The following TMC8 variants were observed in gnomAD, a reference collection of about 807,000 sequenced individuals.
TMC8 encodes transmembrane channel-like protein 8.
TMC8 carries 71 observed loss-of-function variants against 76.0 expected under a neutral mutation model. The ratio of observed to expected loss-of-function variants is 0.93; its 90% CI spans 0.77 to 1.14. TMC8 has a LOEUF of 1.14. TMC8 is among the 50% of genes most tolerant of loss of function. TMC8 has a pLI of 0.00. For missense variants in TMC8, 924 were observed against 947.9 expected (o/e 0.97, Z 0.33); for synonymous variants, 433 against 433.8 (o/e 1.00, Z 0.02).
chr17:78,134,979 C>T lies in TMC8; in HGVS notation c.1097C>T (p.Pro366Leu). ...TFLVQLENYPPNTEVNLTLIW... is the reference protein window; with the variant it reads ...TFLVQLENYPLNTEVNLTLIW... Reference sequence around the variant, plus strand: ...CTGGTCCAGCTGGAGAACTACCCTCCCAACACGGAGGTCAACCTCACTCTG... The same window carrying T: ...CTGGTCCAGCTGGAGAACTACCCTCTCAACACGGAGGTCAACCTCACTCTG... Residue 366 changes from proline to leucine, a missense_variant, in exon 9 of 16, where the codon CCC becomes CTC. Pro to Leu is a moderately conservative substitution (Grantham distance 98). Transcript: ENST00000318430. 2 of 1,614,066 alleles carry T rather than the reference C, an allele frequency of 1.2e-6. No individual in the cohort carries two copies. The highest frequency in any genetic ancestry group is 1.7e-6 in the Non-Finnish European group (2 of 1,179,962).
Position 78,138,748 on chromosome 17 carries a change from G to A in TMC8, c.1823+16G>A, listed in dbSNP as rs750584889. 4 of 1,602,570 alleles carry A rather than the reference G, an allele frequency of 2.5e-6. No individual in the cohort carries two copies. Among genetic ancestry groups the A allele is most frequent in the Non-Finnish European group, 3.4e-6 (4 of 1,179,668 alleles). ...TCATGCTCAGGTTCTCAGGGCAGCC[G>A]GGGCCATGGGAGGGGACACCTGGAG... is the stretch of plus-strand genomic sequence containing the variant. On this transcript the variant is annotated intron_variant, in intron 14 of 15. Transcript: ENST00000318430.
At chr17:78,132,331 C>A in intron 3 of TMC8, 28 bp from the exon 4 acceptor site, 1 of 1,611,958 alleles carries the variant, frequency 6.2e-7, no homozygotes, top group Non-Finnish European at 8.5e-7. Context: ...CCCCGGCCTC[C>A]CTGACCCACC....
chr17:78,132,074 C>A (rs1289993620), intron 3 of TMC8, 44 bp downstream of exon 3: 1 of 1,534,538 alleles, frequency 6.5e-7, no homozygotes, highest in Admixed American at 2.0e-5. Flanking sequence ...CTCTCTGGAG[C>A]CCCACTGCCC....
intron 15 of TMC8, 117 bp downstream of exon 15, chr17:78,139,357 G>C (rs1259145540): frequency 8.6e-7 from 1 of 1,166,046 alleles, no homozygotes; most frequent in Non-Finnish European, 1.2e-6. Context: ...CCACTGGAGG[G>C]CGTGGCCTCA....
intron 15 of TMC8, 106 bp downstream of exon 15, chr17:78,139,346 C>T: frequency 7.8e-7 from 1 of 1,279,958 alleles, no homozygotes; most frequent in African/African-American, 1.5e-5. Context: ...GTGGGTTCTT[C>T]CCACTGGAGG....
Position 78,133,952 on chromosome 17 carries a change from G to A in TMC8, c.768G>A (p.Val256=). The A allele has an allele frequency of 6.2e-7, 1 of 1,613,696 alleles. No individual in the cohort carries two copies. Among genetic ancestry groups the A allele is most frequent in the East Asian group, 2.2e-5 (1 of 44,884 alleles). The change falls in exon 7 of 16, where the codon GTG becomes GTA. Residue 256 remains valine, a synonymous_variant. Transcript: ENST00000318430. ...CCTCATGGGACTTCTGCATCCGGGTGCAGGAAGCAGCCACCATCAAGAAGC... is the reference window on the plus strand; with the variant it reads ...CCTCATGGGACTTCTGCATCCGGGTACAGGAAGCAGCCACCATCAAGAAGC... ...VFSSWDFCIR[V]QEAATIKKHE... is the part of the protein sequence containing the mutation.
At chr17:78,135,093 G>A (rs2075188632) in intron 9 of TMC8, 84 bp downstream of exon 9, 1 of 1,578,796 alleles carries the variant, frequency 6.3e-7, no homozygotes, top group Admixed American at 1.7e-5. Flanking sequence ...CCTGGCACCT[G>A]GGGTCCCCAG....
In TMC8 at chr17:78,131,339, C is replaced by G. The variant is rs917506797; in HGVS notation, c.-250C>G. 3 of 595,352 alleles carry G rather than the reference C, an allele frequency of 5.0e-6. No homozygotes were observed. Among genetic ancestry groups the G allele is most frequent in the Non-Finnish European group, 8.9e-6 (3 of 336,328 alleles). The allele number at this position is 595,352 out of a possible 1,614,324, so 36.9% of individuals were successfully genotyped here. On this transcript the variant is annotated 5_prime_UTR_variant, in exon 2 of 16. Transcript: ENST00000318430. Reference sequence around the variant, plus strand: ...CTGAGAGTTGGAGCGGGGCTGGGCCCGAATTCGACCGCAGCAGGATTCTCT... The same window carrying G: ...CTGAGAGTTGGAGCGGGGCTGGGCCGGAATTCGACCGCAGCAGGATTCTCT...
rs2075380318 is a variant in TMC8 at position 78,141,986 on chromosome 17, G to C, written c.*874G>C. ...CGCCTGGGCCTTAGTGGTATGTACG[G>C]GCCTGCATCGTGAGCAGCGGGCGGG... On this transcript the variant is annotated 3_prime_UTR_variant, in exon 16 of 16. Coordinates refer to ENST00000318430, the MANE Select transcript of TMC8 (RefSeq NM_152468.5). 1 of 152,422 alleles carries C rather than the reference G, an allele frequency of 6.6e-6. No homozygotes were observed. Among genetic ancestry groups the C allele is most frequent in the Non-Finnish European group, 1.5e-5 (1 of 68,188 alleles). 9.4% of individuals were successfully genotyped at this position (152,422 alleles called of 1,614,324 possible). A position where few individuals can be genotyped will look rare whatever the true frequency, so the allele number is the denominator to read the frequency against.
rs374622085 is a variant in TMC8 at position 78,138,375 on chromosome 17, A to G, written c.1560A>G (p.Ala520=). 1 of 1,611,560 alleles carries G rather than the reference A, an allele frequency of 6.2e-7. No individual in the cohort carries two copies. Among genetic ancestry groups the G allele is most frequent in the Admixed American group, 1.7e-5 (1 of 60,020 alleles). The part of the protein sequence containing the change: ...KKYTLLKNSR[A]SSRPFRASSS... ...ACACCCTCCTGAAGAACTCCAGGGCATCTTCGCGGCCCTTCCGTGCCTCCA... is the reference window on the plus strand; with the variant it reads ...ACACCCTCCTGAAGAACTCCAGGGCGTCTTCGCGGCCCTTCCGTGCCTCCA... The change falls in exon 13 of 16, where the codon GCA becomes GCG. Residue 520 remains alanine (A), a synonymous_variant. Coordinates refer to ENST00000318430, the MANE Select transcript of TMC8 (RefSeq NM_152468.5).
At chr17:78,140,281 G>C (rs566498535) in intron 15 of TMC8, among the ~76,000 whole-genome samples, 22 of 151,514 alleles carry the variant, frequency 1.5e-4, no homozygotes, top group Non-Finnish European at 2.7e-4. Context: ...CTGTGGTCTT[G>C]CTACTGCAAT....
intron 9 of TMC8, 134 bp downstream of exon 9, chr17:78,135,143 C>A: frequency 8.6e-7 from 1 of 1,159,658 alleles, no homozygotes; most frequent in Non-Finnish European, 1.3e-6. Context: ...CAAGGGAAGG[C>A]AGGTACACAC....
In TMC8 at chr17:78,131,543, C is replaced by A. The variant is rs777641093; in HGVS notation, c.-46C>A. On this transcript the variant is annotated 5_prime_UTR_variant, in exon 2 of 16. Transcript: ENST00000318430. Reference sequence around the variant, plus strand: ...TCATCCAACCGGGGACTCATATCCCCCCCACCGGCAGCCCGGCGCCCCAGC... The same window carrying A: ...TCATCCAACCGGGGACTCATATCCCACCCACCGGCAGCCCGGCGCCCCAGC... 2.8e-5 allele frequency: 43 copies of A among 1,536,798 alleles called. No homozygotes were observed. The South Asian group carries it at 5.1e-4, about 18-fold the overall frequency.
Position 78,138,715 on chromosome 17 carries a change from C to T in TMC8, c.1806C>T (p.Pro602=), listed in dbSNP as rs770770209. The T allele has an allele frequency of 6.2e-7, 1 of 1,609,750 alleles. No homozygotes were observed. The highest frequency in any genetic ancestry group is 1.7e-5 in the Admixed American group (1 of 60,018). ...TGGGCTCCCACGCCTTCAGCTTCCC[C>T]CTCCTCATCATGCTCAGGTTCTCAG... is the stretch of plus-strand genomic sequence containing the variant. ...HYLGSHAFSF[P]LLIMLSLVLT... is the part of the protein sequence containing the mutation. The change falls in exon 14 of 16, where the codon CCC becomes CCT. Residue 602 remains proline (P), a synonymous_variant. Coordinates refer to ENST00000318430, the MANE Select transcript of TMC8 (RefSeq NM_152468.5).
At chr17:78,134,808 G>C in intron 8 of TMC8, 62 bp from the exon 9 acceptor site, 1 of 1,608,062 alleles carries the variant, frequency 6.2e-7, no homozygotes, top group South Asian at 1.1e-5. Context: ...GCACTGTGGG[G>C]GGCGGGGAGC....
Position 78,132,514 on chromosome 17 carries a change from T to C in TMC8, c.448+6T>C. ...AGGCCCCACCCTGAACTTGAGTGAGTGTGAGGCCCACCAGGGGAAGTGCTC... is the reference window on the plus strand; with the variant it reads ...AGGCCCCACCCTGAACTTGAGTGAGCGTGAGGCCCACCAGGGGAAGTGCTC... On this transcript the variant is annotated splice_donor_region_variant and intron_variant, in intron 4 of 15. Transcript: ENST00000318430. 1 of 1,607,760 alleles carries C rather than the reference T, an allele frequency of 6.2e-7. No individual in the cohort carries two copies. The highest frequency in any genetic ancestry group is 8.5e-7 in the Non-Finnish European group (1 of 1,178,146).
chr17:78,140,877 T>A lies in TMC8; in HGVS notation c.1946T>A (p.Leu649Gln), dbSNP rs373940356. 1.6e-5 allele frequency: 26 copies of A among 1,610,038 alleles called. No homozygotes were observed. Among genetic ancestry groups the A allele is most frequent in the Non-Finnish European group, 2.1e-5 (25 of 1,178,954 alleles). ...CACCTGGTGGAGGACCTGTCGCGAC[T>A]GCTGCCGGAGCCAGGCCCGAGCGAC... The part of the protein sequence containing the change: ...KWHLVEDLSR[L>Q]LPEPGPSDSP... The change falls in exon 16 of 16, where the codon CTG becomes CAG. Residue 649 changes from leucine to glutamine, a missense_variant. Physicochemically the swap from Leu to Gln is moderately radical, Grantham distance 113 (BLOSUM62 -2). Transcript: ENST00000318430.
chr17:78,133,716 C>G (rs892979109), intron 6 of TMC8, 137 bp from the exon 7 acceptor site: 1 of 1,524,614 alleles, frequency 6.6e-7, no homozygotes, highest in Admixed American at 1.8e-5. Context: ...GGCCACCGCC[C>G]CCTACCCCGA....
intron 7 of TMC8, 104 bp from the exon 8 acceptor site, chr17:78,134,290 T>C (rs1228899254): frequency 3.7e-6 from 5 of 1,352,330 alleles, no homozygotes; most frequent in Non-Finnish European, 5.2e-6. Flanking sequence ...TGACTGTGTA[T>C]GTGAGCGTGA....
Sources: gnomAD v4.1 joint callset for allele counts (sites outside exome capture counted in the v4.1 genomes callset) on GRCh38, gnomAD v4.1.1 for gene constraint, MANE v1.5 for transcripts, NCBI Gene and HGNC (gene_info 2026-07-23, HGNC 2026-07-21) for gene names.